The following ANKS1B variants were observed in gnomAD, a reference collection of about 807,000 sequenced individuals.
The protein encoded by ANKS1B is ankyrin repeat and sterile alpha motif domain-containing protein 1B.
ANKS1B carries 36 observed loss-of-function variants against 148.3 expected under a neutral mutation model. The observed-to-expected ratio is 0.24, with a 90% CI of 0.19 to 0.32. ANKS1B has a LOEUF of 0.32. ANKS1B is among the 10% of genes least tolerant of loss of function. The pLI, the probability that ANKS1B is intolerant of heterozygous loss-of-function variation, is 1.00. For synonymous variants in ANKS1B, 542 were observed against 560.8 expected (o/e 0.97, Z 0.47); for missense variants, 1,157 against 1,542.6 (o/e 0.75, Z 4.19).
At chr12:99,762,180 C>T (rs1028834710) in intron 8 of ANKS1B, among the ~76,000 whole-genome samples, 1 of 151,926 alleles carries the variant, frequency 6.6e-6, no homozygotes, top group Non-Finnish European at 1.5e-5. Flanking sequence ...ATTTTTCACA[C>T]AATTAGAAAA....
chr12:98,752,817 T>G (rs11610744), intron 25 of ANKS1B, among the ~76,000 whole-genome samples: 1 of 152,064 alleles, frequency 6.6e-6, no homozygotes, highest in Non-Finnish European at 1.5e-5. Flanking sequence ...CAACCTTGCC[T>G]GTGAGGATGA....
intron 9 of ANKS1B, among the ~76,000 whole-genome samples, chr12:99,532,551 G>A (rs949168311): frequency 2.6e-5 from 4 of 152,058 alleles, no homozygotes; most frequent in Non-Finnish European, 4.4e-5. Context: ...TAGTACAGAC[G>A]GGGTTTCATC....
At chr12:99,456,713 T>TA (rs964435144) in intron 10 of ANKS1B, among the ~76,000 whole-genome samples, 1 of 151,958 alleles carries the variant, frequency 6.6e-6, no homozygotes, top group Non-Finnish European at 1.5e-5. Context: ...CCCAATCTGA[T>TA]AAAGACAAAG....
intron 8 of ANKS1B, among the ~76,000 whole-genome samples, chr12:99,768,338 T>A (rs2062847478): frequency 6.6e-6 from 1 of 152,134 alleles, no homozygotes; most frequent in Non-Finnish European, 1.5e-5. Context: ...ATGTTATAAT[T>A]GAGGACTGTG....
intron 9 of ANKS1B, among the ~76,000 whole-genome samples, chr12:99,558,291 C>T (rs953461636): frequency 5.3e-5 from 8 of 152,138 alleles, no homozygotes; most frequent in South Asian, 2.1e-4. Flanking sequence ...TGCACATCCA[C>T]GCCAGCAGCA....
chr12:99,525,601 A>G (rs536323152), intron 9 of ANKS1B, among the ~76,000 whole-genome samples: 1 of 152,348 alleles, frequency 6.6e-6, no homozygotes, highest in African/African-American at 2.4e-5. Context: ...CAAATCAGTA[A>G]GAAAACCACG....
intron 24 of ANKS1B, 133 bp downstream of exon 24, chr12:98,780,984 T>C: frequency 1.6e-6 from 1 of 611,582 alleles, no homozygotes. Context: ...TAGGTATATG[T>C]AGGAAGCATG....
chr12:99,610,399 G>C (rs913746723), intron 9 of ANKS1B, among the ~76,000 whole-genome samples: 4 of 152,004 alleles, frequency 2.6e-5, no homozygotes, highest in African/African-American at 9.7e-5. Flanking sequence ...AGGGTCTTGT[G>C]ACCTACCATT....
At chr12:99,585,388 T>G (rs1435167017) in intron 9 of ANKS1B, among the ~76,000 whole-genome samples, 1 of 151,978 alleles carries the variant, frequency 6.6e-6, no homozygotes, top group African/African-American at 2.4e-5. Context: ...GCCCCTGTGG[T>G]TTTGCAGGGT....
In ANKS1B at chr12:99,039,279, C is replaced by T. The variant is rs139995579; in HGVS notation, c.2778+13878G>A. Among the ~76,000 whole-genome samples, 16 of 152,348 alleles carry T rather than the reference C, an allele frequency of 1.1e-4. 1 individual carries two copies. In the East Asian group the frequency reaches 3.1e-3, roughly 29 times the overall value. ...TGGCAATGAGATGGTGTGTGCATCA[C>T]CCAAGTGGCCCTCCACAGTCAAGTA... is the stretch of plus-strand genomic sequence containing the variant. On this transcript the variant is annotated intron_variant, in intron 17 of 26. Coordinates refer to ENST00000683438, the MANE Select transcript of ANKS1B (RefSeq NM_001352186.2).
intron 12 of ANKS1B, among the ~76,000 whole-genome samples, chr12:99,382,555 G>A (rs752730757): frequency 1.3e-5 from 2 of 152,070 alleles, no homozygotes; most frequent in Middle Eastern, 3.4e-3. Context: ...AAAATTAGCC[G>A]TTCATAGTGG....
intron 9 of ANKS1B, among the ~76,000 whole-genome samples, chr12:99,572,348 A>G: frequency 6.6e-6 from 1 of 152,224 alleles, no homozygotes; most frequent in South Asian, 2.1e-4. Context: ...AGGTTTCCAA[A>G]TATGTTTTTC....
intron 12 of ANKS1B, among the ~76,000 whole-genome samples, chr12:99,251,088 T>G (rs1190371300): frequency 6.6e-6 from 1 of 152,158 alleles, no homozygotes. Flanking sequence ...TCTGTCCTCA[T>G]GACTTAATCA....
chr12:99,894,272 A>AAAGG (rs1315964719), intron 1 of ANKS1B, among the ~76,000 whole-genome samples: 2,745 of 82,738 alleles, frequency 0.033, 127 homozygotes, highest in Non-Finnish European at 0.049. Flanking sequence ...GAAAGGAAAG[A>AAAGG]AAGGAAGGAA....
intron 12 of ANKS1B, among the ~76,000 whole-genome samples, chr12:99,323,211 A>G (rs977734542): frequency 6.6e-6 from 1 of 152,160 alleles, no homozygotes; most frequent in African/African-American, 2.4e-5. Flanking sequence ...CTGTTCTATT[A>G]TGCTTCATTT....
At chr12:99,748,749 G>A (rs1204323714) in intron 8 of ANKS1B, among the ~76,000 whole-genome samples, 1 of 151,960 alleles carries the variant, frequency 6.6e-6, no homozygotes, top group Non-Finnish European at 1.5e-5. Context: ...ACACTAAGAA[G>A]GAAAACAGAG....
chr12:98,977,716 T>C (rs1597908159), intron 17 of ANKS1B, among the ~76,000 whole-genome samples: 1 of 152,188 alleles, frequency 6.6e-6, no homozygotes, highest in Non-Finnish European at 1.5e-5. Context: ...TCTGGGTCAG[T>C]AGAAAATAGG....
chr12:99,515,130 T>C (rs1185075253), intron 9 of ANKS1B, among the ~76,000 whole-genome samples: 3 of 152,008 alleles, frequency 2.0e-5, no homozygotes, highest in Non-Finnish European at 4.4e-5. Context: ...TCATGGAAAA[T>C]GGGGTATCCA....
At chr12:99,955,273 C>T (rs2095300024) in intron 1 of ANKS1B, among the ~76,000 whole-genome samples, 1 of 152,032 alleles carries the variant, frequency 6.6e-6, no homozygotes, top group Admixed American at 6.6e-5. Flanking sequence ...ATCAGAGCAG[C>T]CTTTAAAAGG....
Sources: gnomAD v4.1 joint callset for allele counts (sites outside exome capture counted in the v4.1 genomes callset) on GRCh38, gnomAD v4.1.1 for gene constraint, MANE v1.5 for transcripts, NCBI Gene and HGNC (gene_info 2026-07-23, HGNC 2026-07-21) for gene names.